The following CACNA2D2 variants were observed in gnomAD, a reference collection of about 807,000 sequenced individuals.
CACNA2D2 encodes voltage-dependent calcium channel subunit alpha-2/delta-2.
CACNA2D2 carries 48 observed loss-of-function variants against 166.4 expected under a neutral mutation model. The ratio of observed to expected loss-of-function variants is 0.29; its 90% confidence interval spans 0.23 to 0.37. CACNA2D2 has a LOEUF of 0.37. Among genes scored for constraint, CACNA2D2 ranks in the 10% least tolerant of loss-of-function variants. The probability of loss-of-function intolerance (pLI) is 1.00; values close to 1 mark genes in which losing one functional copy is unlikely to be tolerated. For synonymous variants in CACNA2D2, 561 were observed against 573.7 expected (o/e 0.98, Z 0.32); for missense variants, 1,122 against 1,433.0 (o/e 0.78, Z 3.50).
chr3:50,454,570 A>G (rs1709264437), intron 2 of CACNA2D2, among the ~76,000 whole-genome samples: 1 of 152,182 alleles, frequency 6.6e-6, no homozygotes, highest in African/African-American at 2.4e-5. Flanking sequence ...AATTTTACAG[A>G]TTTCCACTTC....
chr3:50,476,128 T>C lies in CACNA2D2; in HGVS notation c.278A>G (p.Gln93Arg), dbSNP rs1408885433. The stretch of plus-strand genomic sequence containing the variant: ...TGGCACCGGGCTCACCTCACGGAGC[T>C]GCTGGACGCCTCCAAAAATCCGCAT... ...GVMRIFGGVQ[Q>R]LREIYKDNRN... Residue 93 changes from glutamine to arginine, a missense_variant, in exon 2 of 38, where the codon CAG (glutamine) becomes CGG (arginine). Around this residue, in one of 2 missense-constraint regions of CACNA2D2, gnomAD observed 840 missense variants for 1,166.8 expected, o/e 0.72. Transcript: ENST00000424201. 3 of 1,601,228 alleles carry C rather than the reference T, an allele frequency of 1.9e-6. No individual in the cohort carries two copies. Among genetic ancestry groups the C allele is most frequent in the Non-Finnish European group, 2.6e-6 (3 of 1,174,312 alleles).
chr3:50,380,179 A>G lies in CACNA2D2; in HGVS notation c.843-161T>C, dbSNP rs1705227681. 6.6e-6 allele frequency among the ~76,000 whole-genome samples: 1 copy of G among 152,220 alleles called. No individual in the cohort carries two copies. The highest frequency in any genetic ancestry group is 6.5e-5 in the Admixed American group (1 of 15,282). On this transcript the variant is annotated intron_variant, in intron 8 of 37. Coordinates refer to ENST00000424201, the MANE Select transcript of CACNA2D2 (RefSeq NM_006030.4). This position sits in a 1 kb window ranked among gnomAD's most constrained non-coding sequence, Gnocchi z 4.9. ...TGATACCACATTTAACGAAACAGACACAGTCCTTGCCCATGACATGAATGG... is the reference window on the plus strand; with the variant it reads ...TGATACCACATTTAACGAAACAGACGCAGTCCTTGCCCATGACATGAATGG...
intron 2 of CACNA2D2, among the ~76,000 whole-genome samples, chr3:50,446,703 G>A (rs1708864069): frequency 6.6e-6 from 1 of 152,222 alleles, no homozygotes; most frequent in African/African-American, 2.4e-5. Context: ...CTCCCAGGAA[G>A]CCAGTCCCTT....
At chr3:50,474,070 A>G (rs1310438416) in intron 2 of CACNA2D2, among the ~76,000 whole-genome samples, 2 of 152,112 alleles carry the variant, frequency 1.3e-5, no homozygotes, top group African/African-American at 4.8e-5. Flanking sequence ...CCCTACCAAG[A>G]GGGGAAGTGG....
At chr3:50,503,852 G>A (rs963333482), upstream of CACNA2D2, among the ~76,000 whole-genome samples, 2 of 150,966 alleles carry the variant, frequency 1.3e-5, no homozygotes, top group African/African-American at 2.4e-5. Context: ...GCTGCTACCC[G>A]AGCGCCCCGG....
At chr3:50,452,212 T>C (rs917567931) in intron 2 of CACNA2D2, among the ~76,000 whole-genome samples, 2 of 152,228 alleles carry the variant, frequency 1.3e-5, no homozygotes, top group African/African-American at 4.8e-5. Flanking sequence ...TCCAGGGCTG[T>C]CTGTGGAATT....
intron 3 of CACNA2D2, among the ~76,000 whole-genome samples, chr3:50,407,287 G>A (rs957483741): frequency 6.6e-6 from 1 of 151,844 alleles, no homozygotes; most frequent in Non-Finnish European, 1.5e-5. Context: ...GTCAGGGCCA[G>A]ATCTCTCTCC....
chr3:50,455,134 T>G (rs1709293378), intron 2 of CACNA2D2, among the ~76,000 whole-genome samples: 1 of 152,220 alleles, frequency 6.6e-6, no homozygotes, highest in African/African-American at 2.4e-5. Flanking sequence ...CCAAAGTCCC[T>G]GGCCACATGC....
At chr3:50,434,184 C>A (rs1320186973) in intron 3 of CACNA2D2, 129 bp downstream of exon 3, 7 of 696,348 alleles carry the variant, frequency 1.0e-5, no homozygotes, top group African/African-American at 1.8e-5. Context: ...CACAGCCCTG[C>A]TGATGTTGGC....
At position 50,379,290 on chromosome 3, in the gene CACNA2D2, C is replaced by G; in HGVS notation, c.1153-91G>C. The G allele has an allele frequency of 6.9e-7, 1 of 1,447,434 alleles. No homozygotes were observed. Among genetic ancestry groups the G allele is most frequent in the African/African-American group, 1.4e-5 (1 of 71,732 alleles). 89.7% of individuals were successfully genotyped at this position (1,447,434 alleles called of 1,614,324 possible). A position where few individuals can be genotyped will look rare whatever the true frequency, so the allele number is the denominator to read the frequency against. ...CCCGCAGTGGGCCTGGACCTCTGGC[C>G]CTCCTCCCCCACAGCAGATGGAGCT... On this transcript the variant is annotated intron_variant, in intron 11 of 37. Transcript: ENST00000424201. The surrounding 1 kb of genome is among the most constrained non-coding windows in gnomAD (Gnocchi z 6.5).
At chr3:50,481,957 T>C (rs1007353334) in intron 1 of CACNA2D2, among the ~76,000 whole-genome samples, 6 of 152,200 alleles carry the variant, frequency 3.9e-5, no homozygotes, top group Non-Finnish European at 7.3e-5. Context: ...GCCATGCCAC[T>C]GTATTCCAGC....
chr3:50,375,110 C>T lies in CACNA2D2; in HGVS notation c.1908-297G>A, dbSNP rs1198164692. Among the ~76,000 whole-genome samples the T allele has an allele frequency of 6.6e-6, 1 of 152,242 alleles. No homozygotes were observed. The highest frequency in any genetic ancestry group is 1.5e-5 in the Non-Finnish European group (1 of 68,040). On this transcript the variant is annotated intron_variant, in intron 21 of 37. Coordinates refer to ENST00000424201, the MANE Select transcript of CACNA2D2 (RefSeq NM_006030.4). This position sits in a 1 kb window ranked among gnomAD's most constrained non-coding sequence, Gnocchi z 4.0. ...ACAGCCCCCTGCCCAGCCAACCTCCCTCTGACCCACAAGGGGCAGACGCTG... is the reference window on the plus strand; with the variant it reads ...ACAGCCCCCTGCCCAGCCAACCTCCTTCTGACCCACAAGGGGCAGACGCTG...
intron 23 of CACNA2D2, among the ~76,000 whole-genome samples, chr3:50,370,090 C>T (rs769167383): frequency 2.6e-5 from 4 of 152,332 alleles, no homozygotes; most frequent in Admixed American, 2.0e-4. Context: ...CTGGAGCCCT[C>T]CTGCCCCGGC....
chr3:50,373,045 C>T (rs1191980847), intron 22 of CACNA2D2: 3 of 1,532,716 alleles, frequency 2.0e-6, no homozygotes, highest in South Asian at 1.2e-5. Flanking sequence ...GGAGGGTGCA[C>T]TGGTTCTGAA....
At chr3:50,501,454 AT>A (rs1560012956) in intron 1 of CACNA2D2, among the ~76,000 whole-genome samples, 1 of 146,864 alleles carries the variant, frequency 6.8e-6, no homozygotes, top group Non-Finnish European at 1.5e-5. Context: ...AGCTCCAACT[AT>A]ATCGACAACA....
intron 3 of CACNA2D2, among the ~76,000 whole-genome samples, chr3:50,404,002 G>A (rs1180154366): frequency 6.6e-6 from 1 of 152,228 alleles, no homozygotes; most frequent in Non-Finnish European, 1.5e-5. Context: ...TGTGGCCCCA[G>A]TGCTGGGCAA....
chr3:50,362,701 C>G lies in CACNA2D2; in HGVS notation c.*1965G>C, dbSNP rs142744837. On this transcript the variant is annotated 3_prime_UTR_variant, in exon 38 of 38. Coordinates refer to ENST00000424201, the MANE Select transcript of CACNA2D2 (RefSeq NM_006030.4). ...GGGACCTGGGCTACCATGGTCTTCACCCCCTGCAGAGCACTAAGTGGGACT... is the reference window on the plus strand; with the variant it reads ...GGGACCTGGGCTACCATGGTCTTCAGCCCCTGCAGAGCACTAAGTGGGACT... 1 of 156,088 alleles carries G rather than the reference C, an allele frequency of 6.4e-6. No individual in the cohort carries two copies. The highest frequency in any genetic ancestry group is 1.4e-5 in the Non-Finnish European group (1 of 70,736). 9.7% of individuals were successfully genotyped at this position (156,088 alleles called of 1,614,324 possible). A position where few individuals can be genotyped will look rare whatever the true frequency, so the allele number is the denominator to read the frequency against.
Position 50,396,999 on chromosome 3 carries a change from T to C in CACNA2D2, c.406-2831A>G, listed in dbSNP as rs1575625462. 2.0e-5 allele frequency among the ~76,000 whole-genome samples: 3 copies of C among 152,304 alleles called. No homozygotes were observed. The Middle Eastern group carries it at 0.01, about 518-fold the overall frequency. On this transcript the variant is annotated intron_variant, in intron 3 of 37. Coordinates refer to ENST00000424201, the MANE Select transcript of CACNA2D2 (RefSeq NM_006030.4). Reference sequence around the variant, plus strand: ...GAGGAACTCCTGCCCCTGCCTCTACTCCTGGCTGGGGGGTTCCAGCTCCTT... The same window carrying C: ...GAGGAACTCCTGCCCCTGCCTCTACCCCTGGCTGGGGGGTTCCAGCTCCTT...
At chr3:50,501,275 G>A (rs769068179) in intron 1 of CACNA2D2, among the ~76,000 whole-genome samples, 2 of 152,082 alleles carry the variant, frequency 1.3e-5, no homozygotes, top group African/African-American at 4.8e-5. Context: ...GTGCATCCTC[G>A]TCTGCGGGAC....
Sources: gnomAD v4.1 joint callset for allele counts (sites outside exome capture counted in the v4.1 genomes callset) on GRCh38, gnomAD v4.1.1 for gene constraint, gnomAD v4.1.1 regional missense constraint, Gnocchi (gnomAD v3.1) non-coding constraint, MANE v1.5 for transcripts, NCBI Gene and HGNC (gene_info 2026-07-23, HGNC 2026-07-21) for gene names.